The following TENM4 variants were observed in gnomAD, a reference collection of about 807,000 sequenced individuals.
TENM4 encodes teneurin transmembrane protein 4.
In TENM4, 82 loss-of-function variants were observed where a neutral mutation model predicts 243.3. The ratio of observed to expected loss-of-function variants is 0.34; its 90% CI spans 0.28 to 0.40. The LOEUF (loss-of-function observed/expected upper bound fraction) is 0.40. Ranked by LOEUF, TENM4 falls within the 10% of genes least tolerant of loss-of-function variation. TENM4 has a pLI of 1.00. For missense variants in TENM4, 3,138 were observed against 3,673.3 expected (o/e 0.85, Z 3.77); for synonymous variants, 1,412 against 1,456.3 (o/e 0.97, Z 0.69).
At chr11:79,368,063 G>T (rs1432240593) in intron 1 of TENM4, among the ~76,000 whole-genome samples, 1 of 152,142 alleles carries the variant, frequency 6.6e-6, no homozygotes, top group East Asian at 1.9e-4. Context: ...GTTCGCTGCG[G>T]CCCTTGGGGA....
chr11:79,249,175 C>G (rs1397991594), intron 2 of TENM4, among the ~76,000 whole-genome samples: 1 of 152,146 alleles, frequency 6.6e-6, no homozygotes, highest in Non-Finnish European at 1.5e-5. Context: ...CCTACAGGGA[C>G]TATTCTAAGT....
intron 6 of TENM4, among the ~76,000 whole-genome samples, chr11:79,027,430 T>C (rs1859108839): frequency 6.6e-6 from 1 of 152,202 alleles, no homozygotes; most frequent in Admixed American, 6.5e-5. Context: ...AAGATGCTCT[T>C]TGAGTCAAAG....
intron 14 of TENM4, among the ~76,000 whole-genome samples, chr11:78,810,475 T>C (rs1164237483): frequency 1.3e-5 from 2 of 152,178 alleles, no homozygotes; most frequent in Non-Finnish European, 2.9e-5. Context: ...CCTCTTTGTT[T>C]CTCTTTCCTT....
chr11:79,178,705 C>G (rs1028464359), intron 3 of TENM4, among the ~76,000 whole-genome samples: 1 of 152,154 alleles, frequency 6.6e-6, no homozygotes, highest in African/African-American at 2.4e-5. Flanking sequence ...TGGAGTTCCT[C>G]AAGGGCAGAG....
At chr11:79,057,547 C>T (rs1296567293) in intron 6 of TENM4, among the ~76,000 whole-genome samples, 2 of 152,222 alleles carry the variant, frequency 1.3e-5, no homozygotes, top group African/African-American at 4.8e-5. Flanking sequence ...TGGGGACTTA[C>T]TGTCCCCCTT....
At chr11:78,755,816 C>T (rs1856291857) in intron 19 of TENM4, among the ~76,000 whole-genome samples, 1 of 152,158 alleles carries the variant, frequency 6.6e-6, no homozygotes, top group South Asian at 2.1e-4. Context: ...CCCATCACTA[C>T]CCCATTGTTC....
intron 6 of TENM4, among the ~76,000 whole-genome samples, chr11:78,950,025 G>C (rs1486302439): frequency 2.6e-5 from 4 of 151,684 alleles, no homozygotes. Context: ...TGATGAGCAG[G>C]GTCAGCAGAG....
At chr11:79,206,672 G>A (rs1414576976) in intron 3 of TENM4, among the ~76,000 whole-genome samples, 4 of 152,028 alleles carry the variant, frequency 2.6e-5, no homozygotes, top group African/African-American at 9.7e-5. Flanking sequence ...GGTTTATCAG[G>A]GATTTCCACT....
intron 4 of TENM4, among the ~76,000 whole-genome samples, chr11:79,121,681 C>A (rs1439591506): frequency 6.6e-6 from 1 of 152,208 alleles, no homozygotes; most frequent in Non-Finnish European, 1.5e-5. Flanking sequence ...GTGGCCACTG[C>A]AGCCATGCCA....
intron 27 of TENM4, among the ~76,000 whole-genome samples, chr11:78,702,849 G>T (rs1253518680): frequency 6.6e-6 from 1 of 152,204 alleles, no homozygotes; most frequent in Non-Finnish European, 1.5e-5. Context: ...TTCTAAGATG[G>T]GAGGGAAAGG....
At chr11:78,999,255 C>T (rs1836643) in intron 6 of TENM4, among the ~76,000 whole-genome samples, 66,695 of 152,092 alleles carry the variant, frequency 0.44, 19,048 homozygotes, top group African/African-American at 0.82. Flanking sequence ...GGCTCACGCC[C>T]GTAATCCTAG....
chr11:78,844,639 TAAA>T (rs574368443), intron 12 of TENM4, among the ~76,000 whole-genome samples: 1 of 137,772 alleles, frequency 7.3e-6, no homozygotes, highest in Non-Finnish European at 1.6e-5. Context: ...AGACTCTGTC[TAAA>T]AAAAAAAAAA....
chr11:78,995,298 G>A (rs758908747), intron 6 of TENM4, among the ~76,000 whole-genome samples: 8 of 152,152 alleles, frequency 5.3e-5, no homozygotes, highest in Non-Finnish European at 1.0e-4. Context: ...GGGTTTGCAT[G>A]CCATGTCAAG....
rs551664034 is a variant in TENM4, at chr11:78,980,546, T to C, written c.494-77023A>G. Among the ~76,000 whole-genome samples the C allele has an allele frequency of 5.9e-5, 9 of 152,318 alleles. No individual in the cohort carries two copies. The South Asian group carries it at 1.7e-3, about 28-fold the overall frequency. ...GTGACAGAATGAGCCCAAGGTCCTA[T>C]AGGAAGGCAGCAGTGGAAATGGTTT... On this transcript the variant is annotated intron_variant, in intron 6 of 33. Transcript: ENST00000278550.
chr11:79,402,203 C>A (rs564795658), intron 1 of TENM4: 2 of 203,998 alleles, frequency 9.8e-6, no homozygotes, highest in East Asian at 3.2e-4. Context: ...GAATTTAGGA[C>A]CTTATTGGGG....
At chr11:78,809,100 G>C (rs917343941) in intron 14 of TENM4, among the ~76,000 whole-genome samples, 3 of 152,174 alleles carry the variant, frequency 2.0e-5, no homozygotes, top group Non-Finnish European at 4.4e-5. Flanking sequence ...TAGCAAGCAG[G>C]CTGGGAGGGT....
chr11:79,272,108 C>T (rs1855978697), intron 2 of TENM4, among the ~76,000 whole-genome samples: 1 of 152,126 alleles, frequency 6.6e-6, no homozygotes, highest in Admixed American at 6.5e-5. Flanking sequence ...TCTAAAGTCA[C>T]AAAGTGCTTT....
chr11:78,693,411 T>G (rs1858875411), intron 28 of TENM4, among the ~76,000 whole-genome samples: 1 of 152,250 alleles, frequency 6.6e-6, no homozygotes, highest in Non-Finnish European at 1.5e-5. Context: ...TTAAATAATG[T>G]GTTTTATTCA....
intron 5 of TENM4, among the ~76,000 whole-genome samples, chr11:79,066,384 G>C (rs1349987822): frequency 6.6e-6 from 1 of 152,208 alleles, no homozygotes; most frequent in Admixed American, 6.5e-5. Context: ...AGAACTGCCG[G>C]AGGGGTAGGA....
Sources: allele counts gnomAD v4.1 joint callset (sites outside exome capture counted in the v4.1 genomes callset), GRCh38; gene constraint gnomAD v4.1.1; transcripts MANE v1.5; gene names NCBI Gene and HGNC (gene_info 2026-07-23, HGNC 2026-07-21).